PELP1: variants seen among roughly 807,000 people sequenced by gnomAD.
PELP1 encodes the protein proline-, glutamic acid- and leucine-rich protein 1.
A neutral mutation model predicts 95.5 loss-of-function variants in PELP1; 32 were observed. The ratio of observed to expected loss-of-function variants is 0.34; its 90% CI spans 0.25 to 0.45. The LOEUF is 0.45. PELP1 is among the 20% of genes least tolerant of loss of function. The pLI, the probability that PELP1 is intolerant of heterozygous loss-of-function variation, is 1.00. For missense variants in PELP1, 1,358 were observed against 1,444.8 expected, an observed-to-expected ratio of 0.94 and a Z score of 0.97; for synonymous variants, 668 against 600.1, an observed-to-expected ratio of 1.11 and a Z score of -1.65.
chr17:4,698,011 T>G (rs1004782004), intron 1 of PELP1, among the ~76,000 whole-genome samples: 5 of 106,776 alleles, frequency 4.7e-5, no homozygotes, highest in Non-Finnish European at 1.3e-4. Context: ...CTGCAAGGTT[T>G]TTTTTTTTTT....
In PELP1 at chr17:4,703,898, G is replaced by A. The variant is rs778548314; in HGVS notation, c.214C>T (p.Leu72=). 1.2e-6 allele frequency: 2 copies of A among 1,613,304 alleles called. No individual in the cohort carries two copies. Among genetic ancestry groups the A allele is most frequent in the Admixed American group, 3.3e-5 (2 of 59,998 alleles). The change falls in exon 1 of 17, where the codon CTA becomes TTA. Residue 72 remains leucine, a synonymous_variant. Transcript: ENST00000572293. ...SAPHLPGLMC[L]LRLHGSVGGA... is the part of the protein sequence containing the mutation. ...CCCACCGACCCATGCAGCCGCAATA[G>A]GCACATGAGCCCGGGCAAATGTGGG...
intron 3 of PELP1, among the ~76,000 whole-genome samples, chr17:4,683,401 T>C (rs1381965112): frequency 2.3e-4 from 35 of 151,842 alleles, no homozygotes; most frequent in Admixed American, 1.0e-3. Flanking sequence ...TTTGTATTTT[T>C]AGTAGAGACG....
intron 3 of PELP1, among the ~76,000 whole-genome samples, chr17:4,686,175 G>A (rs1017377948): frequency 2.6e-5 from 4 of 152,106 alleles, no homozygotes; most frequent in East Asian, 1.9e-4. Flanking sequence ...CACTGATGCC[G>A]GATCAGGGGG....
intron 1 of PELP1, among the ~76,000 whole-genome samples, chr17:4,693,264 T>C (rs1178284132): frequency 6.6e-6 from 1 of 152,120 alleles, no homozygotes; most frequent in Non-Finnish European, 1.5e-5. Flanking sequence ...TCATTCATAA[T>C]AACCAAAATG....
chr17:4,681,722 C>T (rs988092919), intron 5 of PELP1, among the ~76,000 whole-genome samples: 1 of 152,150 alleles, frequency 6.6e-6, no homozygotes, highest in East Asian at 1.9e-4. Flanking sequence ...ATTGCTTGAA[C>T]CCGGGAGGCA....
At chr17:4,683,531 C>CTTTTTTTTTTTTT (rs59870828) in intron 3 of PELP1, among the ~76,000 whole-genome samples, 6 of 96,574 alleles carry the variant, frequency 6.2e-5, no homozygotes, top group African/African-American at 1.9e-4. Flanking sequence ...GTTTTCTTTT[C>CTTTTTTTTTTTTT]TTTTTTTTTT....
intron 1 of PELP1, among the ~76,000 whole-genome samples, chr17:4,698,008 G>GTTT (rs60403748): frequency 1.6e-4 from 21 of 133,596 alleles, no homozygotes; most frequent in African/African-American, 2.0e-4. Context: ...TTTCTGCAAG[G>GTTT]TTTTTTTTTT....
intron 3 of PELP1, among the ~76,000 whole-genome samples, chr17:4,690,299 T>TA (rs1397090102): frequency 6.6e-5 from 10 of 151,976 alleles, no homozygotes; most frequent in East Asian, 1.9e-4. Context: ...GGGTGAGGGA[T>TA]AAAAAACTAC....
In PELP1 at chr17:4,670,042, G is replaced by A. The variant is rs912009116; in HGVS notation, c.*1397C>T. ...TAGATACATGTCTACATGTAGATAC[G>A]CAGTTTATAGGGATAAGAGTTAACA... is the stretch of plus-strand genomic sequence containing the variant. On this transcript the variant is annotated 3_prime_UTR_variant, in exon 17 of 17. Coordinates refer to ENST00000572293, the MANE Select transcript of PELP1 (RefSeq NM_014389.3). 3 of 152,132 alleles carry A rather than the reference G, an allele frequency of 2.0e-5. No homozygotes were observed. The highest frequency in any genetic ancestry group is 7.2e-5 in the African/African-American group (3 of 41,440). The allele number at this position is 152,132 out of a possible 1,614,324, so 9.4% of individuals were successfully genotyped here.
At chr17:4,674,247 C>T (rs967835510) in intron 13 of PELP1, among the ~76,000 whole-genome samples, 9 of 152,258 alleles carry the variant, frequency 5.9e-5, no homozygotes, top group African/African-American at 9.6e-5. Context: ...GACCCGAGGC[C>T]GCCTGCAGCC....
At position 4,691,422 on chromosome 17, in the gene PELP1, T is replaced by C. The variant is rs540335623; in HGVS notation, c.270A>G (p.Ala90=). 1.2e-6 allele frequency: 2 copies of C among 1,613,606 alleles called. No homozygotes were observed. Among genetic ancestry groups the C allele is most frequent in the East Asian group, 4.5e-5 (2 of 44,864 alleles). The change falls in exon 2 of 17, where the codon GCA becomes GCG. Residue 90 remains alanine, a synonymous_variant. Transcript: ENST00000572293. ...GGAQNLSALG[A]LVSLSNARLS... ...GACGTGCATTACTGAGACTCACCAA[T>C]GCCCCAAGAGCTGAAAGGTTCTGGA...
At position 4,672,940 on chromosome 17, in the gene PELP1, G is replaced by C; in HGVS notation, c.2051C>G (p.Pro684Arg). The C allele has an allele frequency of 6.2e-7, 1 of 1,609,672 alleles. No individual in the cohort carries two copies. Among genetic ancestry groups the C allele is most frequent in the Non-Finnish European group, 8.5e-7 (1 of 1,177,588 alleles). ...TGCTGAGGGCATGGGGCCTGCTGAA[G>C]GCATGGGGCCTGCTGAGGGCATGGA... ...VGSMPSAGPMPSAGPMPSAGP... is the reference protein window; with the variant it reads ...VGSMPSAGPMRSAGPMPSAGP... The change falls in exon 16 of 17, where the codon CCT becomes CGT. Residue 684 changes from proline to arginine, a missense_variant. Physicochemically the swap from Pro to Arg is moderately radical, Grantham distance 103 (BLOSUM62 -2). Transcript: ENST00000572293.
At chr17:4,674,469 C>T in intron 13 of PELP1, 41 bp downstream of exon 13, 1 of 1,577,876 alleles carries the variant, frequency 6.3e-7, no homozygotes, top group Non-Finnish European at 8.6e-7. Context: ...GGATGGGGTC[C>T]CGTTTGAGCC....
At chr17:4,694,208 G>A (rs141951714) in intron 1 of PELP1, among the ~76,000 whole-genome samples, 1,752 of 152,230 alleles carry the variant, frequency 0.012, 38 homozygotes, top group African/African-American at 0.039. Flanking sequence ...AAAGCTGGAG[G>A]CAGCCAGGGA....
At chr17:4,702,482 T>C (rs558720492) in intron 1 of PELP1, among the ~76,000 whole-genome samples, 12 of 152,232 alleles carry the variant, frequency 7.9e-5, no homozygotes, top group African/African-American at 2.6e-4. Context: ...CACTGTAATA[T>C]AACTGACTGA....
Position 4,671,451 on chromosome 17 carries a change from C to T in PELP1, c.3381G>A (p.Glu1127=). 6.6e-7 allele frequency: 1 copy of T among 1,525,844 alleles called. No individual in the cohort carries two copies. The highest frequency in any genetic ancestry group is 9.1e-7 in the Non-Finnish European group (1 of 1,099,480). The allele number at this position is 1,525,844 out of a possible 1,614,324, so 94.5% of individuals were successfully genotyped here. A position where few individuals can be genotyped will look rare whatever the true frequency, so the allele number is the denominator to read the frequency against. Residue 1127 remains glutamate (E), a synonymous_variant, in exon 17 of 17, where the codon GAG becomes GAA. Coordinates refer to ENST00000572293, the MANE Select transcript of PELP1 (RefSeq NM_014389.3). ...GTGCAGAAGATGGCTAGGAGTCAGG[C>T]TCTGTGGGAGGTGGTGGCTTCTCAT... The part of the protein sequence containing the change: ...PDDEKPPPPT[E]PDS
rs751434393 is a variant in PELP1 at position 4,703,826 on chromosome 17, C to A, written c.249+37G>T. ...CGGCGCACAGGTGCCGCGCCATCCTCCCCACAGGGCCGCGGGCACGCGGGC... is the reference window on the plus strand; with the variant it reads ...CGGCGCACAGGTGCCGCGCCATCCTACCCACAGGGCCGCGGGCACGCGGGC... On this transcript the variant is annotated intron_variant, in intron 1 of 16. Transcript: ENST00000572293. 5 of 1,568,654 alleles carry A rather than the reference C, an allele frequency of 3.2e-6. No homozygotes were observed. The South Asian group carries it at 5.8e-5, about 18-fold the overall frequency.
At chr17:4,696,393 A>G (rs1913300020) in intron 1 of PELP1, among the ~76,000 whole-genome samples, 1 of 152,224 alleles carries the variant, frequency 6.6e-6, no homozygotes, top group Non-Finnish European at 1.5e-5. Flanking sequence ...TTATTTCCAA[A>G]GAACAACAAG....
chr17:4,683,531 CTTTTTTT>C (rs59870828), intron 3 of PELP1, among the ~76,000 whole-genome samples: 2 of 96,564 alleles, frequency 2.1e-5, no homozygotes, highest in Non-Finnish European at 1.9e-5. Context: ...GTTTTCTTTT[CTTTTTTT>C]TTTTTTTTTT....
Sources: gnomAD v4.1 joint callset for allele counts (sites outside exome capture counted in the v4.1 genomes callset) on GRCh38, gnomAD v4.1.1 for gene constraint, MANE v1.5 for transcripts, NCBI Gene and HGNC (gene_info 2026-07-23, HGNC 2026-07-21) for gene names.